ULK4: variants seen among roughly 807,000 people sequenced by gnomAD.
ULK4 encodes inactive serine/threonine-protein kinase ULK4.
Under a neutral mutation model 160.6 loss-of-function variants are expected in ULK4, and 133 were observed. That is an observed-to-expected ratio of 0.83 (90% CI 0.72 to 0.96). The LOEUF is 0.96. Among genes scored for constraint, ULK4 ranks in the 40% least tolerant of loss-of-function variants. The pLI, the probability that ULK4 is intolerant of heterozygous loss-of-function variation, is 0.00. For synonymous variants in ULK4, 534 were observed against 539.8 expected (o/e 0.99, Z 0.15); for missense variants, 1,580 against 1,499.5 (o/e 1.05, Z -0.89).
intron 17 of ULK4, among the ~76,000 whole-genome samples, chr3:41,842,062 T>A (rs751303038): frequency 2.1e-4 from 31 of 151,106 alleles, no homozygotes; most frequent in Non-Finnish European, 4.3e-4. Flanking sequence ...GTTTATATGC[T>A]GACCTTCTCT....
At chr3:41,945,342 C>T (rs1411525791) in intron 2 of ULK4, among the ~76,000 whole-genome samples, 1 of 152,212 alleles carries the variant, frequency 6.6e-6, no homozygotes, top group East Asian at 1.9e-4. Flanking sequence ...AATTTAATCA[C>T]AATCCCACCT....
intron 35 of ULK4, among the ~76,000 whole-genome samples, chr3:41,358,978 G>A (rs1008646758): frequency 5.3e-5 from 8 of 152,158 alleles, no homozygotes; most frequent in Non-Finnish European, 1.0e-4. Context: ...CTTCACATAC[G>A]TTGAAAGTAG....
chr3:41,723,510 C>T (rs886350774), intron 22 of ULK4, among the ~76,000 whole-genome samples: 1 of 151,996 alleles, frequency 6.6e-6, no homozygotes, highest in Non-Finnish European at 1.5e-5. Flanking sequence ...TCCAAGTGGA[C>T]GAGCACTTGT....
intron 35 of ULK4, among the ~76,000 whole-genome samples, chr3:41,365,066 T>G (rs2081228938): frequency 6.6e-6 from 1 of 152,204 alleles, no homozygotes; most frequent in African/African-American, 2.4e-5. Context: ...TCCTGTCATC[T>G]CCATCACAAA....
At chr3:41,283,182 G>A (rs1366067239) in intron 35 of ULK4, among the ~76,000 whole-genome samples, 2 of 152,170 alleles carry the variant, frequency 1.3e-5, no homozygotes, top group East Asian at 3.9e-4. Context: ...AAATACGAAT[G>A]CTTTTACACT....
At chr3:41,356,836 G>A (rs2125768091) in intron 35 of ULK4, among the ~76,000 whole-genome samples, 1 of 152,240 alleles carries the variant, frequency 6.6e-6, no homozygotes, top group Non-Finnish European at 1.5e-5. Flanking sequence ...GAAGGGAAGA[G>A]GGAAGCCTGA....
intron 32 of ULK4, among the ~76,000 whole-genome samples, chr3:41,557,061 T>G (rs902606970): frequency 9.9e-5 from 15 of 152,164 alleles, no homozygotes; most frequent in African/African-American, 3.4e-4. Flanking sequence ...AACACTAGGA[T>G]GGGTTCAATA....
intron 34 of ULK4, among the ~76,000 whole-genome samples, chr3:41,442,180 C>G (rs1423353041): frequency 5.3e-5 from 8 of 152,040 alleles, no homozygotes; most frequent in Non-Finnish European, 1.5e-5. Flanking sequence ...AGGGGTATCA[C>G]TGATTTATTA....
chr3:41,618,634 T>G (rs868018525), intron 30 of ULK4, among the ~76,000 whole-genome samples: 4 of 151,970 alleles, frequency 2.6e-5, no homozygotes, highest in Admixed American at 2.0e-4. Flanking sequence ...GCACTAAATA[T>G]GGAAAGGAAA....
intron 11 of ULK4, among the ~76,000 whole-genome samples, chr3:41,910,921 C>T (rs1169276377): frequency 6.6e-5 from 10 of 152,158 alleles, no homozygotes; most frequent in Non-Finnish European, 2.9e-5. Context: ...CAAAATCACG[C>T]CACTGCACTC....
intron 31 of ULK4, among the ~76,000 whole-genome samples, chr3:41,605,368 T>C (rs2032327196): frequency 6.6e-6 from 1 of 151,488 alleles, no homozygotes. Context: ...AGAAAACAAT[T>C]TTGAATATAA....
At chr3:41,426,068 T>C (rs907280941) in intron 34 of ULK4, among the ~76,000 whole-genome samples, 4 of 152,016 alleles carry the variant, frequency 2.6e-5, no homozygotes, top group Admixed American at 1.3e-4. Context: ...TAGGCTCAAA[T>C]AAAGGGATGG....
chr3:41,569,615 T>C (rs1026361491), intron 31 of ULK4, among the ~76,000 whole-genome samples: 4 of 152,182 alleles, frequency 2.6e-5, no homozygotes, highest in Admixed American at 1.3e-4. Context: ...TTCACACATA[T>C]TGTAATAAAA....
At chr3:41,801,702 T>C (rs2040464395) in intron 19 of ULK4, among the ~76,000 whole-genome samples, 1 of 151,828 alleles carries the variant, frequency 6.6e-6, no homozygotes, top group Non-Finnish European at 1.5e-5. Flanking sequence ...GTTTTAAAAA[T>C]TGGCCAGGTA....
At chr3:41,752,281 A>G (rs2038656410) in intron 22 of ULK4, among the ~76,000 whole-genome samples, 1 of 152,244 alleles carries the variant, frequency 6.6e-6, no homozygotes, top group Non-Finnish European at 1.5e-5. Flanking sequence ...GTTCCAGTGA[A>G]AAATGATGGT....
At chr3:41,868,492 T>TTTGTTA (rs1696977192) in intron 17 of ULK4, among the ~76,000 whole-genome samples, 1 of 152,140 alleles carries the variant, frequency 6.6e-6, no homozygotes, top group African/African-American at 2.4e-5. Flanking sequence ...GGTTTTTGTT[T>TTTGTTA]TTGTTTTTGT....
At chr3:41,800,637 C>T (rs6599178) in intron 19 of ULK4, among the ~76,000 whole-genome samples, 48,004 of 152,038 alleles carry the variant, frequency 0.32, 11,165 homozygotes, top group African/African-American at 0.66. Context: ...AACATAAAAA[C>T]TGGAAGATAA....
intron 17 of ULK4, among the ~76,000 whole-genome samples, chr3:41,874,688 T>C (rs1235799311): frequency 2.6e-5 from 4 of 152,140 alleles, no homozygotes; most frequent in Admixed American, 6.5e-5. Flanking sequence ...AATGGTATAA[T>C]GGACACTGGA....
chr3:41,531,271 C>T (rs1391578654), intron 32 of ULK4, among the ~76,000 whole-genome samples: 2 of 150,772 alleles, frequency 1.3e-5, no homozygotes, highest in African/African-American at 2.4e-5. Context: ...GAAACCCTGT[C>T]TCTACTAAAA....
Sources: allele counts gnomAD v4.1 joint callset (sites outside exome capture counted in the v4.1 genomes callset), GRCh38; gene constraint gnomAD v4.1.1; transcripts MANE v1.5; gene names NCBI Gene and HGNC (gene_info 2026-07-23, HGNC 2026-07-21).